Variants in CMTM8 observed in about 807,000 individuals in gnomAD.
CMTM8 encodes CKLF like MARVEL transmembrane domain containing 8, also known as CKLF-like MARVEL transmembrane domain-containing protein 8.
CMTM8 carries 12 observed loss-of-function variants against 18.6 expected under a neutral mutation model. The observed-to-expected ratio is 0.65, with a 90% confidence interval of 0.41 to 1.05. CMTM8 has a LOEUF of 1.05. Among genes scored for constraint, CMTM8 ranks in the 50% least tolerant of loss-of-function variants. The pLI is 0.00. For synonymous variants in CMTM8, 87 were observed against 90.6 expected (o/e 0.96, Z 0.23); for missense variants, 217 against 227.2 (o/e 0.95, Z 0.29).
At chr3:32,276,724 T>C (rs750819716) in intron 1 of CMTM8, among the ~76,000 whole-genome samples, 29 of 152,192 alleles carry the variant, frequency 1.9e-4, no homozygotes, top group Non-Finnish European at 3.5e-4. Flanking sequence ...ATGTTGCACC[T>C]TCTGTGTCTT....
intron 1 of CMTM8, among the ~76,000 whole-genome samples, chr3:32,344,487 G>A (rs1420330938): frequency 6.6e-6 from 1 of 152,166 alleles, no homozygotes. Flanking sequence ...TTGAATAAAT[G>A]ACACTTTTTA....
chr3:32,333,443 G>A (rs1696319992), intron 1 of CMTM8, among the ~76,000 whole-genome samples: 1 of 152,098 alleles, frequency 6.6e-6, no homozygotes, highest in African/African-American at 2.4e-5. Context: ...CAGACCTGCT[G>A]GGTCAGCACC....
chr3:32,364,201 T>C (rs1280211975), intron 2 of CMTM8, among the ~76,000 whole-genome samples: 1 of 152,026 alleles, frequency 6.6e-6, no homozygotes, highest in Non-Finnish European at 1.5e-5. Context: ...GCAAGACCTG[T>C]CTCTACTAAA....
rs1575149099 is a variant in CMTM8 at position 32,260,033 on chromosome 3, C to T, written c.147+20914C>T. On this transcript the variant is annotated intron_variant, in intron 1 of 3. Coordinates refer to ENST00000307526, the MANE Select transcript of CMTM8 (RefSeq NM_178868.5). ...GCACCAGGCCCAGGAGTACAAGGCC[C>T]TGCTGAACATCAAGGTCAAGCTGGA... 4 of 1,140,888 alleles carry T rather than the reference C, an allele frequency of 3.5e-6. No individual in the cohort carries two copies. In the East Asian group the frequency reaches 9.5e-5, roughly 27 times the overall value. 70.7% of individuals were successfully genotyped at this position (1,140,888 alleles called of 1,614,324 possible). A position where few individuals can be genotyped will look rare whatever the true frequency, so the allele number is the denominator to read the frequency against.
intron 1 of CMTM8, among the ~76,000 whole-genome samples, chr3:32,293,832 G>A (rs1702825718): frequency 6.6e-6 from 1 of 152,224 alleles, no homozygotes; most frequent in Non-Finnish European, 1.5e-5. Context: ...GTGACAGAGG[G>A]AGACTCTGCC....
intron 2 of CMTM8, among the ~76,000 whole-genome samples, chr3:32,361,286 G>GTTTTTTTTTTGTTTTTTTTTTTTTTTTTT (rs58364646): frequency 8.0e-5 from 7 of 87,268 alleles, no homozygotes; most frequent in Admixed American, 2.5e-4. Flanking sequence ...CAGCCTAAGA[G>GTTTTTTTTTTGTTTTTTTTTTTTTTTTTT]TTTTTTTTTC....
intron 1 of CMTM8, among the ~76,000 whole-genome samples, chr3:32,296,589 G>A (rs1288586121): frequency 2.0e-5 from 3 of 152,194 alleles, no homozygotes; most frequent in African/African-American, 4.8e-5. Flanking sequence ...CAGGTCTGAT[G>A]ACCCTGGAAT....
chr3:32,265,505 A>G (rs1702325318), intron 1 of CMTM8, among the ~76,000 whole-genome samples: 1 of 152,230 alleles, frequency 6.6e-6, no homozygotes, highest in Admixed American at 6.5e-5. Flanking sequence ...AAAGCAGGAA[A>G]GATCTAAAAT....
At chr3:32,280,075 T>C (rs1702582880) in intron 1 of CMTM8, among the ~76,000 whole-genome samples, 1 of 152,148 alleles carries the variant, frequency 6.6e-6, no homozygotes, top group African/African-American at 2.4e-5. Context: ...TATTGCTTCA[T>C]AGTGGTAACC....
chr3:32,369,767 C>A, intron 3 of CMTM8, 117 bp from the exon 4 acceptor site: 1 of 559,572 alleles, frequency 1.8e-6, no homozygotes. Context: ...TTTTAGATGG[C>A]AAAGCCTGGT....
intron 1 of CMTM8, among the ~76,000 whole-genome samples, chr3:32,338,577 C>A (rs1696432978): frequency 6.6e-6 from 1 of 152,124 alleles, no homozygotes; most frequent in Non-Finnish European, 1.5e-5. Flanking sequence ...AAGGTACAAA[C>A]CAAGGCTCAG....
At chr3:32,252,526 G>T (rs2125532274) in intron 1 of CMTM8, among the ~76,000 whole-genome samples, 2 of 152,184 alleles carry the variant, frequency 1.3e-5, no homozygotes, top group Middle Eastern at 3.4e-3. Context: ...ATTTATTCAG[G>T]TTATTTTATG....
chr3:32,281,943 A>G lies in CMTM8; in HGVS notation c.147+42824A>G, dbSNP rs150268762. Among the ~76,000 whole-genome samples the G allele has an allele frequency of 1.3e-4, 20 of 152,012 alleles. No homozygotes were observed. In the East Asian group the frequency reaches 3.1e-3, roughly 23 times the overall value. On this transcript the variant is annotated intron_variant, in intron 1 of 3. Transcript: ENST00000307526. ...TTCCTGGTGCCTCCTTATCTCCCCA[A>G]CTGTAAATACAAGAGTGCCAGGGCT...
At chr3:32,347,720 C>A (rs1410108574) in intron 1 of CMTM8, among the ~76,000 whole-genome samples, 4 of 152,142 alleles carry the variant, frequency 2.6e-5, no homozygotes, top group African/African-American at 4.8e-5. Flanking sequence ...TGTGGAATTC[C>A]TTTTGCCTTT....
intron 1 of CMTM8, among the ~76,000 whole-genome samples, chr3:32,335,839 A>G (rs1270221371): frequency 6.6e-6 from 1 of 152,206 alleles, no homozygotes; most frequent in Non-Finnish European, 1.5e-5. Context: ...TCATAAAAGC[A>G]AGGAGACTTG....
At chr3:32,361,286 G>GTTTTTTTTTTGTTTTTTT (rs58364646) in intron 2 of CMTM8, among the ~76,000 whole-genome samples, 2 of 87,228 alleles carry the variant, frequency 2.3e-5, no homozygotes, top group East Asian at 2.8e-4. Context: ...CAGCCTAAGA[G>GTTTTTTTTTTGTTTTTTT]TTTTTTTTTC....
chr3:32,255,096 TATTTC>T (rs1006807182), intron 1 of CMTM8, among the ~76,000 whole-genome samples: 2 of 152,212 alleles, frequency 1.3e-5, no homozygotes, highest in Non-Finnish European at 2.9e-5. Context: ...CATGTATCAG[TATTTC>T]ATTTCTTTTT....
intron 1 of CMTM8, among the ~76,000 whole-genome samples, chr3:32,243,309 T>A (rs971613813): frequency 6.6e-6 from 1 of 151,552 alleles, no homozygotes; most frequent in African/African-American, 2.4e-5. Context: ...GGCCAGCAGA[T>A]TGCCTGAGCC....
chr3:32,335,426 G>A (rs1271910048), intron 1 of CMTM8, among the ~76,000 whole-genome samples: 1 of 152,200 alleles, frequency 6.6e-6, no homozygotes, highest in African/African-American at 2.4e-5. Context: ...ATCTCCGGTC[G>A]GAAGCAGACC....
Sources: gnomAD v4.1 joint callset for allele counts (sites outside exome capture counted in the v4.1 genomes callset) on GRCh38, gnomAD v4.1.1 for gene constraint, MANE v1.5 for transcripts, NCBI Gene and HGNC (gene_info 2026-07-23, HGNC 2026-07-21) for gene names.